NT5DC1: variants seen among roughly 807,000 people sequenced by gnomAD.
NT5DC1 encodes the protein 5'-nucleotidase domain-containing protein 1.
A neutral mutation model predicts 59.4 loss-of-function variants in NT5DC1; 42 were observed. The observed-to-expected ratio is 0.71, with a 90% CI of 0.55 to 0.92. The LOEUF is 0.92. NT5DC1 is among the 40% of genes least tolerant of loss of function. NT5DC1 has a pLI of 0.00. For missense variants in NT5DC1, 501 were observed against 537.1 expected, an observed-to-expected ratio of 0.93 and a Z score of 0.66; for synonymous variants, 172 against 188.1, an observed-to-expected ratio of 0.91 and a Z score of 0.70.
At chr6:116,212,867 A>T (rs1302188026) in intron 6 of NT5DC1, among the ~76,000 whole-genome samples, 1 of 152,166 alleles carries the variant, frequency 6.6e-6, no homozygotes, top group Non-Finnish European at 1.5e-5. Context: ...GGATTTCTTT[A>T]AACTGTTTAA....
chr6:116,180,605 A>ACATT (rs1780854250), intron 6 of NT5DC1, among the ~76,000 whole-genome samples: 1 of 152,102 alleles, frequency 6.6e-6, no homozygotes, highest in Admixed American at 6.6e-5. Flanking sequence ...AATAAGAAAT[A>ACATT]CATTCTCTAT....
At chr6:116,137,605 C>T (rs963917687) in intron 6 of NT5DC1, 3 of 213,886 alleles carry the variant, frequency 1.4e-5, no homozygotes, top group Admixed American at 4.1e-5. Context: ...ACTGGATCCC[C>T]GTGCCTCAGT....
At chr6:116,109,839 C>G (rs1382628892) in intron 3 of NT5DC1, among the ~76,000 whole-genome samples, 1 of 152,136 alleles carries the variant, frequency 6.6e-6, no homozygotes, top group Non-Finnish European at 1.5e-5. Context: ...TACTCTCAAT[C>G]ATTATAATTT....
chr6:116,158,420 T>C (rs1297830831), intron 6 of NT5DC1, among the ~76,000 whole-genome samples: 2 of 152,206 alleles, frequency 1.3e-5, no homozygotes. Flanking sequence ...ATTTAACCTT[T>C]GCTTAGTGAA....
chr6:116,181,435 A>T lies in NT5DC1; in HGVS notation c.530-39619A>T, dbSNP rs1780870732. ...TGATTATTTCAGTGGATGCAGAAAA[A>T]CCCAATTAATAAAACCCAGCATCTG... On this transcript the variant is annotated intron_variant, in intron 6 of 11. Coordinates refer to ENST00000319550, the MANE Select transcript of NT5DC1 (RefSeq NM_152729.3). Among the ~76,000 whole-genome samples, 4 of 152,016 alleles carry T rather than the reference A, an allele frequency of 2.6e-5. No homozygotes were observed. The South Asian group carries it at 8.3e-4, about 31-fold the overall frequency.
Position 116,184,887 on chromosome 6 carries a change from T to A in NT5DC1, c.530-36167T>A, listed in dbSNP as rs1359489693. 2.6e-5 allele frequency among the ~76,000 whole-genome samples: 4 copies of A among 152,220 alleles called. 1 individual carries two copies. The highest frequency in any genetic ancestry group is 2.4e-5 in the African/African-American group (1 of 41,580). ...TTTGTTTCAATTTTTAGCTTTGCTC[T>A]GATCTTGATTATTTCTTTTCTTCTG... On this transcript the variant is annotated intron_variant, in intron 6 of 11. Transcript: ENST00000319550.
At chr6:116,170,954 T>C (rs556252092) in intron 6 of NT5DC1, among the ~76,000 whole-genome samples, 1 of 152,314 alleles carries the variant, frequency 6.6e-6, no homozygotes, top group Admixed American at 6.5e-5. Context: ...TCATTCTGTA[T>C]TTGACCTGCC....
At chr6:116,159,313 A>G (rs954815934) in intron 6 of NT5DC1, among the ~76,000 whole-genome samples, 1 of 152,176 alleles carries the variant, frequency 6.6e-6, no homozygotes, top group Non-Finnish European at 1.5e-5. Flanking sequence ...TTCTTTTTCC[A>G]TAAAGAGAAA....
intron 5 of NT5DC1, 34 bp downstream of exon 5, chr6:116,115,804 T>C (rs908009338): frequency 2.8e-6 from 3 of 1,055,584 alleles, no homozygotes; most frequent in African/African-American, 3.1e-5. Flanking sequence ...AACTATGATA[T>C]GTAGTCAGTC....
chr6:116,169,124 T>C (rs910138316), intron 6 of NT5DC1, among the ~76,000 whole-genome samples: 2 of 152,186 alleles, frequency 1.3e-5, no homozygotes, highest in African/African-American at 4.8e-5. Context: ...GTGTTACTGC[T>C]AATTCCAGGC....
chr6:116,163,100 C>A (rs1780375266), intron 6 of NT5DC1, among the ~76,000 whole-genome samples: 1 of 129,890 alleles, frequency 7.7e-6, no homozygotes, highest in Admixed American at 9.1e-5. Context: ...GCACTCCAGC[C>A]TGGGAGACAC....
At chr6:116,225,934 A>AG (rs977012342) in intron 8 of NT5DC1, among the ~76,000 whole-genome samples, 1 of 152,076 alleles carries the variant, frequency 6.6e-6, no homozygotes, top group Non-Finnish European at 1.5e-5. Flanking sequence ...GCAACTTTGG[A>AG]GGGGGGTGGA....
intron 6 of NT5DC1, among the ~76,000 whole-genome samples, chr6:116,217,509 A>G (rs894991787): frequency 6.6e-6 from 1 of 152,168 alleles, no homozygotes; most frequent in South Asian, 2.1e-4. Flanking sequence ...AAGAACAAAC[A>G]ATACCACTCC....
chr6:116,167,508 A>G (rs1780498225), intron 6 of NT5DC1, among the ~76,000 whole-genome samples: 1 of 152,162 alleles, frequency 6.6e-6, no homozygotes, highest in Admixed American at 6.5e-5. Flanking sequence ...CACCGTGCCC[A>G]GCCCACATAG....
intron 6 of NT5DC1, among the ~76,000 whole-genome samples, chr6:116,174,483 T>A (rs949611426): frequency 9.2e-5 from 14 of 152,204 alleles, no homozygotes; most frequent in Admixed American, 2.6e-4. Context: ...ATAACTAGAT[T>A]AAATGTATTT....
intron 6 of NT5DC1, among the ~76,000 whole-genome samples, chr6:116,197,842 C>T (rs533117842): frequency 1.2e-3 from 180 of 152,134 alleles, no homozygotes; most frequent in African/African-American, 4.1e-3. Context: ...CATTGAGAAG[C>T]GTTTACATGT....
At chr6:116,127,564 G>A (rs1261613964) in intron 6 of NT5DC1, among the ~76,000 whole-genome samples, 13 of 152,106 alleles carry the variant, frequency 8.5e-5, no homozygotes, top group Non-Finnish European at 2.9e-5. Flanking sequence ...ACATCTGTAG[G>A]AGACTACAAA....
At position 116,245,844 on chromosome 6, in the gene NT5DC1, A is replaced by G. The variant is rs949611928; in HGVS notation, c.*1820A>G. On this transcript the variant is annotated 3_prime_UTR_variant, in exon 12 of 12. Transcript: ENST00000319550. Reference sequence around the variant, plus strand: ...GTTCAGGAGGCAGAATTCAGTTGTCAGAAGTTCTAGTATTCCCTTTATCAT... The same window carrying G: ...GTTCAGGAGGCAGAATTCAGTTGTCGGAAGTTCTAGTATTCCCTTTATCAT... 1.5e-4 allele frequency: 23 copies of G among 152,100 alleles called. No individual in the cohort carries two copies. The highest frequency in any genetic ancestry group is 5.3e-4 in the African/African-American group (22 of 41,436). The allele number at this position is 152,100 out of a possible 1,614,324, so 9.4% of individuals were successfully genotyped here. A position where few individuals can be genotyped will look rare whatever the true frequency, so the allele number is the denominator to read the frequency against.
intron 6 of NT5DC1, among the ~76,000 whole-genome samples, chr6:116,209,519 A>G (rs1340882454): frequency 1.3e-5 from 2 of 152,044 alleles, no homozygotes; most frequent in East Asian, 3.9e-4. Context: ...AGTGTTGATT[A>G]TAGTGTAACA....
Sources: allele counts gnomAD v4.1 joint callset (sites outside exome capture counted in the v4.1 genomes callset), GRCh38; gene constraint gnomAD v4.1.1; transcripts MANE v1.5; gene names NCBI Gene and HGNC (gene_info 2026-07-23, HGNC 2026-07-21).